The following CNTNAP5 variants were observed in gnomAD, a reference collection of about 807,000 sequenced individuals.
CNTNAP5 encodes contactin associated protein family member 5.
Under a neutral mutation model 150.2 loss-of-function variants are expected in CNTNAP5, and 72 were observed. That is an observed-to-expected ratio of 0.48 (90% CI 0.40 to 0.58). The LOEUF is 0.58. Ranked by LOEUF, CNTNAP5 falls within the 20% of genes least tolerant of loss-of-function variation. The pLI, the probability that CNTNAP5 is intolerant of heterozygous loss-of-function variation, is 0.00. For synonymous variants in CNTNAP5, 672 were observed against 619.8 expected, an observed-to-expected ratio of 1.08 and a Z score of -1.25; for missense variants, 1,636 against 1,626.2, an observed-to-expected ratio of 1.01 and a Z score of -0.10.
intron 1 of CNTNAP5, among the ~76,000 whole-genome samples, chr2:124,219,530 A>T (rs548161087): frequency 1.3e-5 from 2 of 152,058 alleles, no homozygotes; most frequent in Admixed American, 1.3e-4. Flanking sequence ...ACACATCTGG[A>T]TGGATGAGGC....
At chr2:124,275,587 G>A (rs1487970291) in intron 3 of CNTNAP5, among the ~76,000 whole-genome samples, 1 of 152,058 alleles carries the variant, frequency 6.6e-6, no homozygotes, top group South Asian at 2.1e-4. Flanking sequence ...TGACATCTCT[G>A]TGTCTATTTC....
At chr2:124,503,398 G>T (rs1694321617) in intron 7 of CNTNAP5, among the ~76,000 whole-genome samples, 1 of 152,144 alleles carries the variant, frequency 6.6e-6, no homozygotes. Flanking sequence ...CCACTTCTGT[G>T]GAAAGTTAAA....
chr2:124,541,677 C>A (rs1457789094), intron 10 of CNTNAP5, among the ~76,000 whole-genome samples: 1 of 152,076 alleles, frequency 6.6e-6, no homozygotes, highest in African/African-American at 2.4e-5. Flanking sequence ...ATACAAATCA[C>A]TGTTGTTTTC....
At chr2:124,892,605 C>T (rs913442559) in intron 21 of CNTNAP5, among the ~76,000 whole-genome samples, 2 of 152,116 alleles carry the variant, frequency 1.3e-5, no homozygotes, top group African/African-American at 4.8e-5. Flanking sequence ...AGGTTTTCTG[C>T]AGGTGGAGGC....
chr2:124,307,988 G>T (rs975167020), intron 3 of CNTNAP5, among the ~76,000 whole-genome samples: 1 of 152,110 alleles, frequency 6.6e-6, no homozygotes, highest in African/African-American at 2.4e-5. Flanking sequence ...GAGAAACACC[G>T]CTCTGAAAGT....
chr2:124,476,505 C>T (rs1464972893), intron 7 of CNTNAP5, among the ~76,000 whole-genome samples: 1 of 151,812 alleles, frequency 6.6e-6, no homozygotes, highest in Non-Finnish European at 1.5e-5. Context: ...TCCTGACTCA[C>T]CACTAAACCA....
intron 3 of CNTNAP5, 25 bp downstream of exon 3, chr2:124,242,418 G>A: frequency 6.3e-7 from 1 of 1,593,840 alleles, no homozygotes. Flanking sequence ...TCCTTCCAAT[G>A]AATAAAACTG....
intron 1 of CNTNAP5, among the ~76,000 whole-genome samples, chr2:124,146,591 G>T (rs1386580119): frequency 2.0e-5 from 3 of 151,928 alleles, no homozygotes; most frequent in South Asian, 2.1e-4. Context: ...TATATGTGGG[G>T]ATCTTATGAA....
intron 3 of CNTNAP5, among the ~76,000 whole-genome samples, chr2:124,339,254 C>A (rs1349914449): frequency 6.6e-6 from 1 of 152,130 alleles, no homozygotes; most frequent in Non-Finnish European, 1.5e-5. Context: ...CATTCTTTAA[C>A]TTTATTCAAT....
intron 13 of CNTNAP5, among the ~76,000 whole-genome samples, chr2:124,740,505 C>A (rs902533525): frequency 2.3e-4 from 35 of 152,096 alleles, no homozygotes; most frequent in African/African-American, 7.2e-4. Context: ...CAGGTGAACC[C>A]AGATTGGGTT....
intron 12 of CNTNAP5, among the ~76,000 whole-genome samples, chr2:124,622,121 AC>A (rs1677629555): frequency 6.6e-6 from 1 of 151,226 alleles, no homozygotes; most frequent in African/African-American, 2.4e-5. Context: ...CCACCCCCGA[AC>A]CCCCACCCTT....
At chr2:124,819,435 T>G (rs2104667361) in intron 19 of CNTNAP5, among the ~76,000 whole-genome samples, 1 of 152,294 alleles carries the variant, frequency 6.6e-6, no homozygotes, top group Admixed American at 6.5e-5. Context: ...CCCCATGACC[T>G]GAGCTTTGTT....
intron 8 of CNTNAP5, among the ~76,000 whole-genome samples, chr2:124,513,637 G>C (rs1298169691): frequency 1.3e-5 from 2 of 152,164 alleles, no homozygotes; most frequent in African/African-American, 2.4e-5. Context: ...AATTTTAACA[G>C]GGAAAGAAGA....
intron 8 of CNTNAP5, among the ~76,000 whole-genome samples, chr2:124,519,585 T>C (rs1188728295): frequency 1.3e-5 from 2 of 152,344 alleles, no homozygotes; most frequent in East Asian, 3.9e-4. Flanking sequence ...CTCTCCACTT[T>C]TCTCTGTTAC....
At chr2:124,049,607 C>T (rs967372306) in intron 1 of CNTNAP5, among the ~76,000 whole-genome samples, 4 of 152,174 alleles carry the variant, frequency 2.6e-5, no homozygotes, top group Admixed American at 6.5e-5. Context: ...CTCTATCACT[C>T]ATTAGCCTTG....
chr2:124,632,841 A>G (rs1249752646), intron 12 of CNTNAP5, among the ~76,000 whole-genome samples: 1 of 152,088 alleles, frequency 6.6e-6, no homozygotes, highest in Non-Finnish European at 1.5e-5. Context: ...GCCTCAGAAA[A>G]GTTTCAGTCA....
chr2:124,201,134 C>G (rs1329615693), intron 1 of CNTNAP5, among the ~76,000 whole-genome samples: 1 of 152,176 alleles, frequency 6.6e-6, no homozygotes, highest in African/African-American at 2.4e-5. Flanking sequence ...ACAATTCACT[C>G]AAACATCTGG....
At position 124,830,473 on chromosome 2, in the gene CNTNAP5, A is replaced by G. The variant is rs376952204; in HGVS notation, c.3217+32153A>G. Reference sequence around the variant, plus strand: ...CTTTTTTTATGAAAAGCCCATTCAGATAACTGTCAAATCTGATGAAAAGAG... The same window carrying G: ...CTTTTTTTATGAAAAGCCCATTCAGGTAACTGTCAAATCTGATGAAAAGAG... On this transcript the variant is annotated intron_variant, in intron 19 of 23. Transcript: ENST00000682447. Among the ~76,000 whole-genome samples the G allele has an allele frequency of 1.9e-3, 290 of 152,188 alleles. 4 individuals carry two copies. The highest frequency in any genetic ancestry group is 6.6e-3 in the African/African-American group (274 of 41,542).
chr2:124,366,011 A>G (rs778998685), intron 3 of CNTNAP5, among the ~76,000 whole-genome samples: 6 of 152,190 alleles, frequency 3.9e-5, no homozygotes, highest in Non-Finnish European at 7.3e-5. Context: ...TGTTTATCCT[A>G]TAACCCCTGT....
Sources: allele counts gnomAD v4.1 joint callset (sites outside exome capture counted in the v4.1 genomes callset), GRCh38; gene constraint gnomAD v4.1.1; transcripts MANE v1.5; gene names NCBI Gene and HGNC (gene_info 2026-07-23, HGNC 2026-07-21).